The following DFFA variants were observed in gnomAD, a reference collection of about 807,000 sequenced individuals.
DFFA encodes DNA fragmentation factor subunit alpha.
A neutral mutation model predicts 28.0 loss-of-function variants in DFFA; 14 were observed. That is an observed-to-expected ratio of 0.50 (90% CI 0.33 to 0.78). The LOEUF (loss-of-function observed/expected upper bound fraction) is 0.78, where lower values mean the gene tolerates loss of function less well. Ranked by LOEUF, DFFA falls within the 30% of genes least tolerant of loss-of-function variation. DFFA has a pLI of 0.02. For missense variants in DFFA, 395 were observed against 407.1 expected, an observed-to-expected ratio of 0.97 and a Z score of 0.26; for synonymous variants, 158 against 170.3, an observed-to-expected ratio of 0.93 and a Z score of 0.56.
chr1:10,458,854 A>AT lies in DFFA; in HGVS notation c.*2635dup, dbSNP rs1640892188. 1 of 145,316 alleles carries AT rather than the reference A, an allele frequency of 6.9e-6. No individual in the cohort carries two copies. The highest frequency in any genetic ancestry group is 2.6e-5 in the African/African-American group (1 of 38,970). 9.0% of individuals were successfully genotyped at this position (145,316 alleles called of 1,614,324 possible). A position where few individuals can be genotyped will look rare whatever the true frequency, so the allele number is the denominator to read the frequency against. On this transcript the variant is annotated 3_prime_UTR_variant, in exon 6 of 6. Transcript: ENST00000377038. ...GCCCGGCCTATTGTGACATATTGTG[A>AT]TATTTCTTTCTTTTTTGTGTGACAG... is the stretch of plus-strand genomic sequence containing the variant.
chr1:10,461,251 T>C lies in DFFA; in HGVS notation c.*239A>G, dbSNP rs1438326192. On this transcript the variant is annotated 3_prime_UTR_variant, in exon 6 of 6. Transcript: ENST00000377038. The stretch of plus-strand genomic sequence containing the variant: ...TTGAACAGAGAACATCATATGTAAT[T>C]AGAGGAGGCGGGATATTGTTGGTGC... The C allele has an allele frequency of 6.7e-5, 36 of 539,718 alleles. No individual in the cohort carries two copies. The Middle Eastern group carries it at 4.7e-3, about 70-fold the overall frequency. The allele number at this position is 539,718 out of a possible 1,614,324, so 33.4% of individuals were successfully genotyped here.
rs398052764 is a variant in DFFA at position 10,459,729 on chromosome 1, TAAAAAA to T, written c.*1755_*1760del. Reference sequence around the variant, plus strand: ...TCATTGCCCTTGATGGTTACCTTTTTAAAAAAAAAAAAAAAAAAGTAGGGTCTTACT... The same window carrying T: ...TCATTGCCCTTGATGGTTACCTTTTTAAAAAAAAAAAAGTAGGGTCTTACT... On this transcript the variant is annotated 3_prime_UTR_variant, in exon 6 of 6. Transcript: ENST00000377038. 1.4e-5 allele frequency: 2 copies of T among 138,812 alleles called. No individual in the cohort carries two copies. The highest frequency in any genetic ancestry group is 2.7e-5 in the African/African-American group (1 of 37,514). The allele number at this position is 138,812 out of a possible 1,614,324, so 8.6% of individuals were successfully genotyped here. A position where few individuals can be genotyped will look rare whatever the true frequency, so the allele number is the denominator to read the frequency against.
rs1640909660 is a variant in DFFA, at chr1:10,460,276, TGA to T, written c.*1212_*1213del. 6.6e-6 allele frequency: 1 copy of T among 151,870 alleles called. No individual in the cohort carries two copies. Among genetic ancestry groups the T allele is most frequent in the African/African-American group, 2.4e-5 (1 of 41,344 alleles). 9.4% of individuals were successfully genotyped at this position (151,870 alleles called of 1,614,324 possible). A position where few individuals can be genotyped will look rare whatever the true frequency, so the allele number is the denominator to read the frequency against. On this transcript the variant is annotated 3_prime_UTR_variant, in exon 6 of 6. Transcript: ENST00000377038. ...ACAAAACAAAACTTTTTTTTTTTCT[TGA>T]GATACGGAGTCTAGCTCTGTCACCC...
chr1:10,466,979 A>AAAAAAAAAAAAC (rs1641032027), intron 3 of DFFA, among the ~76,000 whole-genome samples: 1 of 147,064 alleles, frequency 6.8e-6, no homozygotes, highest in African/African-American at 2.6e-5. Context: ...AAAAAAAAAA[A>AAAAAAAAAAAAC]TCCACAGGTA....
chr1:10,467,409 C>T, intron 2 of DFFA, 77 bp from the exon 3 acceptor site: 1 of 1,490,954 alleles, frequency 6.7e-7, no homozygotes, highest in Non-Finnish European at 9.3e-7. Context: ...CACACACAGA[C>T]CTCTTGAGGA....
At chr1:10,471,481 G>A (rs1213898636) in intron 1 of DFFA, among the ~76,000 whole-genome samples, 1 of 152,148 alleles carries the variant, frequency 6.6e-6, no homozygotes, top group Non-Finnish European at 1.5e-5. Flanking sequence ...CAAAATCCAT[G>A]TTACCAAAGC....
At chr1:10,462,167 C>CT (rs1177977767) in intron 5 of DFFA, among the ~76,000 whole-genome samples, 1 of 151,504 alleles carries the variant, frequency 6.6e-6, no homozygotes, top group East Asian at 1.9e-4. Flanking sequence ...CTGCCATGGG[C>CT]TTTTTTAAGA....
rs1486003811 is a variant in DFFA at position 10,463,544 on chromosome 1, T to C, written c.518A>G (p.His173Arg). The C allele has an allele frequency of 6.2e-7, 1 of 1,614,220 alleles. No homozygotes were observed. The highest frequency in any genetic ancestry group is 1.7e-5 in the Admixed American group (1 of 60,022). The change falls in exon 4 of 6, where the codon CAC becomes CGC. Residue 173 changes from histidine (H) to arginine (R), a missense_variant. By Grantham distance (29) the His-to-Arg change is conservative. Coordinates refer to ENST00000377038, the MANE Select transcript of DFFA (RefSeq NM_004401.3). Reference sequence around the variant, plus strand: ...TTGGTCAAGCACCTGTTGGAGTGTGTGCTGCAGCCGCTGGACGGTGGCACA... The same window carrying C: ...TTGGTCAAGCACCTGTTGGAGTGTGCGCTGCAGCCGCTGGACGGTGGCACA... Reference protein sequence around the residue: ...QSCATVQRLQHTLQQVLDQRE... With the variant: ...QSCATVQRLQRTLQQVLDQRE...
chr1:10,466,210 G>GTC (rs1475393913), intron 3 of DFFA, among the ~76,000 whole-genome samples: 1 of 151,966 alleles, frequency 6.6e-6, no homozygotes, highest in Non-Finnish European at 1.5e-5. Flanking sequence ...TTGAGATGGA[G>GTC]TCTCTCTCTG....
At chr1:10,466,883 G>A (rs765613423) in intron 3 of DFFA, among the ~76,000 whole-genome samples, 55 of 149,350 alleles carry the variant, frequency 3.7e-4, no homozygotes, top group Non-Finnish European at 6.9e-4. Context: ...AACCCGGGAG[G>A]TGGAGACTGC....
rs1297625981 is a variant in DFFA, at chr1:10,461,289, C to A, written c.*201G>T. 1 of 690,384 alleles carries A rather than the reference C, an allele frequency of 1.4e-6. No individual in the cohort carries two copies. Among genetic ancestry groups the A allele is most frequent in the Non-Finnish European group, 2.3e-6 (1 of 427,254 alleles). 42.8% of individuals were successfully genotyped at this position (690,384 alleles called of 1,614,324 possible). A position where few individuals can be genotyped will look rare whatever the true frequency, so the allele number is the denominator to read the frequency against. ...ATATTGTTGGTGCAGCTATATCATT[C>A]AAAATTGGCAGAAGTCCTGAAGCTG... On this transcript the variant is annotated 3_prime_UTR_variant, in exon 6 of 6. Coordinates refer to ENST00000377038, the MANE Select transcript of DFFA (RefSeq NM_004401.3).
intron 2 of DFFA, 63 bp from the exon 3 acceptor site, chr1:10,467,395 C>G: frequency 1.9e-6 from 3 of 1,561,552 alleles, no homozygotes; most frequent in Non-Finnish European, 1.8e-6. Flanking sequence ...ACCTCCTCCC[C>G]CAGCACACAC....
intron 1 of DFFA, among the ~76,000 whole-genome samples, chr1:10,471,384 G>C (rs1015895097): frequency 6.6e-6 from 1 of 152,190 alleles, no homozygotes; most frequent in East Asian, 1.9e-4. Context: ...CAGCCTCTGT[G>C]CCACGCACAT....
At chr1:10,464,318 T>C (rs1006870523) in intron 3 of DFFA, among the ~76,000 whole-genome samples, 2 of 150,568 alleles carry the variant, frequency 1.3e-5, no homozygotes, top group Non-Finnish European at 3.0e-5. Context: ...GGTCTCGATC[T>C]CCTGATCTTG....
At chr1:10,464,673 C>T (rs1205701464) in intron 3 of DFFA, among the ~76,000 whole-genome samples, 1 of 152,162 alleles carries the variant, frequency 6.6e-6, no homozygotes, top group African/African-American at 2.4e-5. Flanking sequence ...TGAGATTGCA[C>T]TACTGCACTC....
chr1:10,463,658 A>C, intron 3 of DFFA, 38 bp from the exon 4 acceptor site: 1 of 1,553,902 alleles, frequency 6.4e-7, no homozygotes, highest in Non-Finnish European at 8.7e-7. Context: ...ATCTACAGGG[A>C]CTTTCTGACT....
At chr1:10,470,653 C>T (rs2124349562) in intron 1 of DFFA, among the ~76,000 whole-genome samples, 1 of 150,428 alleles carries the variant, frequency 6.6e-6, no homozygotes, top group East Asian at 2.0e-4. Context: ...TCTCGATCTC[C>T]TGACCTCGTG....
chr1:10,467,295 A>G lies in DFFA; in HGVS notation c.336T>C (p.Asp112=). Reference sequence around the variant, plus strand: ...CTGCCCCGCTGTCTGTTTCATCTACATCAAAGGACTCTTGGGAAATCCAAG... The same window carrying G: ...CTGCCCCGCTGTCTGTTTCATCTACGTCAAAGGACTCTTGGGAAATCCAAG... ...GTAWISQESF[D]VDETDSGAGL... The change falls in exon 3 of 6, where the codon GAT becomes GAC. Residue 112 remains aspartate (D), a synonymous_variant. Transcript: ENST00000377038. 1 of 1,614,142 alleles carries G rather than the reference A, an allele frequency of 6.2e-7. No individual in the cohort carries two copies. The highest frequency in any genetic ancestry group is 8.5e-7 in the Non-Finnish European group (1 of 1,180,026).
chr1:10,471,224 GTA>G (rs1299733594), intron 1 of DFFA, among the ~76,000 whole-genome samples: 1 of 152,110 alleles, frequency 6.6e-6, no homozygotes, highest in Non-Finnish European at 1.5e-5. Flanking sequence ...GGACAGGTCT[GTA>G]CTATTCCATT....
Sources: gnomAD v4.1 joint callset for allele counts (sites outside exome capture counted in the v4.1 genomes callset) on GRCh38, gnomAD v4.1.1 for gene constraint, MANE v1.5 for transcripts, NCBI Gene and HGNC (gene_info 2026-07-23, HGNC 2026-07-21) for gene names.